Variants in NEURL1 observed in about 807,000 individuals in gnomAD.
NEURL1 encodes the protein E3 ubiquitin-protein ligase NEURL1.
In NEURL1, 26 loss-of-function variants were observed where a neutral mutation model predicts 41.2. The observed-to-expected ratio is 0.63, with a 90% CI of 0.46 to 0.87. The LOEUF is 0.87. Among genes scored for constraint, NEURL1 ranks in the 40% least tolerant of loss-of-function variants. The pLI is 0.00. For missense variants in NEURL1, 761 were observed against 871.1 expected, an observed-to-expected ratio of 0.87 and a Z score of 1.59; for synonymous variants, 400 against 402.3, an observed-to-expected ratio of 0.99 and a Z score of 0.07.
chr10:103,560,046 C>T (rs373490870), intron 1 of NEURL1, among the ~76,000 whole-genome samples: 5 of 151,956 alleles, frequency 3.3e-5, no homozygotes, highest in East Asian at 1.9e-4. Context: ...CATAAACACA[C>T]GCACACACAC....
chr10:103,515,250 A>T (rs928042431), intron 1 of NEURL1: 2 of 140,412 alleles, frequency 1.4e-5, no homozygotes, highest in African/African-American at 5.1e-5. Flanking sequence ...AAAAAAAAAA[A>T]AAAAAAGAAA....
rs1382571957 is a variant in NEURL1 at position 103,590,312 on chromosome 10, C to T, written c.1665C>T (p.Ala555=). The T allele has an allele frequency of 2.5e-6, 4 of 1,614,154 alleles. No individual in the cohort carries two copies. Among genetic ancestry groups the T allele is most frequent in the Non-Finnish European group, 3.4e-6 (4 of 1,180,022 alleles). ...TGCGCCTCAAGAAGGCTCTGCACGC[C>T]TGCTGCCCCATCTGCCGCCGCCCCA... ...CGLRLKKALH[A]CCPICRRPIK... Residue 555 remains alanine, a synonymous_variant, in exon 6 of 6, where the codon GCC becomes GCT. Coordinates refer to ENST00000369780, the MANE Select transcript of NEURL1 (RefSeq NM_004210.5).
chr10:103,586,028 G>A (rs955673285), intron 4 of NEURL1, among the ~76,000 whole-genome samples: 4 of 151,658 alleles, frequency 2.6e-5, no homozygotes, highest in South Asian at 2.1e-4. Flanking sequence ...TCCCTGAGCA[G>A]GCAGCCTTGG....
At position 103,508,754 on chromosome 10, in the gene NEURL1, G is replaced by C. The variant is rs539748511; in HGVS notation, c.85+14282G>C. On this transcript the variant is annotated intron_variant, in intron 1 of 5. Coordinates refer to ENST00000369780, the MANE Select transcript of NEURL1 (RefSeq NM_004210.5). This position sits in a 1 kb window ranked among gnomAD's most constrained non-coding sequence, Gnocchi z 4.3. ...GGAGCAGAATGCCACTCACATGAAA[G>C]TTTCGGCCTCAGAGGGCAGCCCGCC... Among the ~76,000 whole-genome samples, 130 of 152,326 alleles carry C rather than the reference G, an allele frequency of 8.5e-4. 2 individuals carry two copies. The South Asian group carries it at 8.9e-3, about 10-fold the overall frequency.
chr10:103,571,702 C>T lies in NEURL1; in HGVS notation c.529C>T (p.Arg177Cys), dbSNP rs145249495. 2.4e-4 allele frequency: 381 copies of T among 1,614,212 alleles called. No homozygotes were observed. Among genetic ancestry groups the T allele is most frequent in the Middle Eastern group, 6.6e-4 (4 of 6,062 alleles). ...IIAFWVDKKG[R>C]VFHRINDSAV... ...CGCATTCTGGGTGGACAAGAAGGGC[C>T]GTGTCTTCCACCGCATCAACGACTC... The change falls in exon 3 of 6, where the codon CGT becomes TGT. Residue 177 changes from arginine to cysteine, a missense_variant. Arg to Cys is a radical substitution (Grantham distance 180). Around this residue, in one of 5 missense-constraint regions of NEURL1, gnomAD observed 114 missense variants for 144.8 expected, o/e 0.79. Coordinates refer to ENST00000369780, the MANE Select transcript of NEURL1 (RefSeq NM_004210.5).
intron 1 of NEURL1, among the ~76,000 whole-genome samples, chr10:103,533,828 T>A (rs7068167): frequency 7.9e-5 from 12 of 151,778 alleles, no homozygotes; most frequent in East Asian, 1.9e-4. Context: ...GAGCCACCGC[T>A]CCCGGCCTAA....
chr10:103,584,933 G>A lies in NEURL1; in HGVS notation c.1047G>A (p.Arg349=), dbSNP rs150625492. The A allele has an allele frequency of 4.1e-3, 6,131 of 1,488,746 alleles. 191 individuals are homozygous for A. The African/African-American group carries it at 0.076, about 18-fold the overall frequency. The allele number at this position is 1,488,746 out of a possible 1,614,324, so 92.2% of individuals were successfully genotyped here. ...FVKVTRSGGA[R]PGALSFGVTT... ...AGGTCACGCGCTCGGGTGGCGCGCG[G>A]CCCGGCGCGCTGTCGTTCGGCGTCA... The change falls in exon 4 of 6, where the codon CGG becomes CGA. Residue 349 remains arginine (R), a synonymous_variant. Coordinates refer to ENST00000369780, the MANE Select transcript of NEURL1 (RefSeq NM_004210.5).
chr10:103,575,299 GC>G (rs1237625048), intron 3 of NEURL1, among the ~76,000 whole-genome samples: 1 of 151,920 alleles, frequency 6.6e-6, no homozygotes, highest in Non-Finnish European at 1.5e-5. Context: ...TCTCCCCGCT[GC>G]TGTCTCTCTT....
intron 1 of NEURL1, among the ~76,000 whole-genome samples, chr10:103,516,703 G>A (rs548696138): frequency 3.2e-4 from 48 of 152,306 alleles, no homozygotes; most frequent in African/African-American, 1.1e-3. Context: ...ATGGCACAGT[G>A]CAGTGGTTCT....
chr10:103,507,593 G>A (rs904923072), intron 1 of NEURL1, among the ~76,000 whole-genome samples: 1 of 152,166 alleles, frequency 6.6e-6, no homozygotes, highest in Non-Finnish European at 1.5e-5. Context: ...TGCACCTGGG[G>A]GCTCTGTGGA....
rs989606976 is a variant in NEURL1, at chr10:103,584,780, C to T, written c.894C>T (p.Ala298=). 20 of 1,441,728 alleles carry T rather than the reference C, an allele frequency of 1.4e-5. No individual in the cohort carries two copies. The African/African-American group carries it at 1.8e-4, about 13-fold the overall frequency. The allele number at this position is 1,441,728 out of a possible 1,614,324, so 89.3% of individuals were successfully genotyped here. A position where few individuals can be genotyped will look rare whatever the true frequency, so the allele number is the denominator to read the frequency against. The change falls in exon 4 of 6, where the codon GCC becomes GCT. Residue 298 remains alanine, a synonymous_variant. Transcript: ENST00000369780. The part of the protein sequence containing the change: ...AQLDGDLRFH[A]LRAGAHVRIL... Reference sequence around the variant, plus strand: ...TCGACGGCGACCTGCGTTTCCACGCCCTGCGCGCCGGCGCGCACGTCCGCA... The same window carrying T: ...TCGACGGCGACCTGCGTTTCCACGCTCTGCGCGCCGGCGCGCACGTCCGCA...
At chr10:103,534,099 A>T (rs1382277142) in intron 1 of NEURL1, among the ~76,000 whole-genome samples, 3 of 150,804 alleles carry the variant, frequency 2.0e-5, no homozygotes, top group African/African-American at 7.3e-5. Flanking sequence ...TGTTTCTTTT[A>T]AAATTGTTTC....
At chr10:103,544,669 T>C (rs1405914091) in intron 1 of NEURL1, among the ~76,000 whole-genome samples, 1 of 152,210 alleles carries the variant, frequency 6.6e-6, no homozygotes, top group African/African-American at 2.4e-5. Context: ...TCACTTGCCC[T>C]GAGAACAAAG....
At position 103,555,280 on chromosome 10, in the gene NEURL1, G is replaced by A. The variant is rs550751950; in HGVS notation, c.86-15592G>A. The A allele has an allele frequency of 5.6e-5, 64 of 1,150,544 alleles. No individual in the cohort carries two copies. The African/African-American group carries it at 1.0e-3, about 18-fold the overall frequency. 71.3% of individuals were successfully genotyped at this position (1,150,544 alleles called of 1,614,324 possible). A position where few individuals can be genotyped will look rare whatever the true frequency, so the allele number is the denominator to read the frequency against. On this transcript the variant is annotated intron_variant, in intron 1 of 5. Coordinates refer to ENST00000369780, the MANE Select transcript of NEURL1 (RefSeq NM_004210.5). ...CCTGCCATGCCGGTCTCCGCCCGCG[G>A]GGGAGGAGACGGGGGAGGAGGAGGG...
At chr10:103,513,628 A>G (rs1298732090) in intron 1 of NEURL1, among the ~76,000 whole-genome samples, 2 of 152,220 alleles carry the variant, frequency 1.3e-5, no homozygotes, top group East Asian at 3.9e-4. Flanking sequence ...TGAGGCTCAC[A>G]GAGGAGCAGG....
chr10:103,571,197 C>G, intron 2 of NEURL1, 84 bp downstream of exon 2: 1 of 1,385,002 alleles, frequency 7.2e-7, no homozygotes, highest in Middle Eastern at 2.3e-4. Context: ...CTCTGCCCCT[C>G]AGCCGCTGCC....
chr10:103,533,150 A>C (rs1229565719), intron 1 of NEURL1, among the ~76,000 whole-genome samples: 3 of 151,536 alleles, frequency 2.0e-5, no homozygotes, highest in Admixed American at 6.6e-5. Context: ...GATGGTGTCC[A>C]TCTCCTGACC....
chr10:103,505,799 A>G (rs1294036168), intron 1 of NEURL1, among the ~76,000 whole-genome samples: 1 of 152,246 alleles, frequency 6.6e-6, no homozygotes, highest in Non-Finnish European at 1.5e-5. Flanking sequence ...TGCCGGGTAC[A>G]GCAGGGCTGA....
intron 4 of NEURL1, chr10:103,588,744 G>A: frequency 2.4e-6 from 1 of 422,232 alleles, no homozygotes; most frequent in South Asian, 1.7e-5. Context: ...AGGAGATGGA[G>A]ACCATCTTGG....
Sources: gnomAD v4.1 joint callset for allele counts (sites outside exome capture counted in the v4.1 genomes callset) on GRCh38, gnomAD v4.1.1 for gene constraint, gnomAD v4.1.1 regional missense constraint, Gnocchi (gnomAD v3.1) non-coding constraint, MANE v1.5 for transcripts, NCBI Gene and HGNC (gene_info 2026-07-23, HGNC 2026-07-21) for gene names.